DNAI1: variants seen among roughly 807,000 people sequenced by gnomAD.
DNAI1 encodes dynein, axonemal, intermediate polypeptide 1.
A neutral mutation model predicts 92.0 loss-of-function variants in DNAI1; 67 were observed. That is an observed-to-expected ratio of 0.73 (90% CI 0.60 to 0.89). The LOEUF is 0.89. Ranked by LOEUF, DNAI1 falls within the 40% of genes least tolerant of loss-of-function variation. The pLI is 0.00. For missense variants in DNAI1, 839 were observed against 866.6 expected, an observed-to-expected ratio of 0.97 and a Z score of 0.40; for synonymous variants, 323 against 319.6, an observed-to-expected ratio of 1.01 and a Z score of -0.11.
At chr9:34,476,589 C>T (rs1036533681) in intron 1 of DNAI1, among the ~76,000 whole-genome samples, 2 of 152,132 alleles carry the variant, frequency 1.3e-5, no homozygotes, top group Admixed American at 1.3e-4. Context: ...GTTAAAGGCC[C>T]AGAGAGGTGG....
At chr9:34,474,866 A>G (rs1216400983) in intron 1 of DNAI1, among the ~76,000 whole-genome samples, 2 of 151,996 alleles carry the variant, frequency 1.3e-5, no homozygotes, top group African/African-American at 4.8e-5. Flanking sequence ...CGTGTCCGGC[A>G]AGGTGTGAAT....
At chr9:34,476,921 G>A (rs182005115) in intron 1 of DNAI1, among the ~76,000 whole-genome samples, 1 of 152,334 alleles carries the variant, frequency 6.6e-6, no homozygotes, top group African/African-American at 2.4e-5. Flanking sequence ...GAATGTGGCT[G>A]TAGGAGGGGA....
chr9:34,514,624 C>T lies in DNAI1; in HGVS notation c.1719-16C>T. 1 of 1,614,224 alleles carries T rather than the reference C, an allele frequency of 6.2e-7. No individual in the cohort carries two copies. The highest frequency in any genetic ancestry group is 8.5e-7 in the Non-Finnish European group (1 of 1,180,030). ...AGCCCTCTGTGCCATGGGCTTTCCA[C>T]CCTCCACCTCTGCAGGACCCCGATG... On this transcript the variant is annotated splice_polypyrimidine_tract_variant and intron_variant, in intron 17 of 19. Transcript: ENST00000242317.
At chr9:34,459,096 T>C (rs760391161) in intron 1 of DNAI1, 43 bp downstream of exon 1, 4 of 1,569,620 alleles carry the variant, frequency 2.5e-6, no homozygotes, top group Non-Finnish European at 3.5e-6. Context: ...CTGACCTTCG[T>C]CGTCGCCAGT....
intron 9 of DNAI1, among the ~76,000 whole-genome samples, chr9:34,493,736 T>G (rs2132065895): frequency 6.6e-6 from 1 of 152,320 alleles, no homozygotes; most frequent in Admixed American, 6.5e-5. Flanking sequence ...CTTTCAGTAC[T>G]TGGGTTTACT....
chr9:34,513,330 A>G, intron 16 of DNAI1, 139 bp downstream of exon 16: 1 of 731,630 alleles, frequency 1.4e-6, no homozygotes, highest in South Asian at 1.5e-5. Flanking sequence ...AAGAGAATGT[A>G]TTTCTTGACC....
chr9:34,486,100 C>CT (rs909822671), intron 4 of DNAI1, among the ~76,000 whole-genome samples: 31 of 152,166 alleles, frequency 2.0e-4, no homozygotes, highest in African/African-American at 7.5e-4. Context: ...GGACAATACT[C>CT]TTTTCACTCA....
At chr9:34,499,466 G>T (rs960326710) in intron 10 of DNAI1, among the ~76,000 whole-genome samples, 6 of 152,166 alleles carry the variant, frequency 3.9e-5, no homozygotes, top group Non-Finnish European at 7.3e-5. Flanking sequence ...TTTTGTGGCT[G>T]GCCCTGTGCT....
chr9:34,506,444 G>A (rs893273177), intron 12 of DNAI1, among the ~76,000 whole-genome samples, 183 bp from the exon 13 acceptor site: 1 of 152,196 alleles, frequency 6.6e-6, no homozygotes, highest in Non-Finnish European at 1.5e-5. Flanking sequence ...TCTGAGAAGG[G>A]AAAGGTCACA....
At chr9:34,498,167 AG>A in intron 10 of DNAI1, among the ~76,000 whole-genome samples, 1 of 152,304 alleles carries the variant, frequency 6.6e-6, no homozygotes, top group Admixed American at 6.5e-5. Flanking sequence ...TAAGGAATGG[AG>A]AAAAGGGAAC....
intron 1 of DNAI1, among the ~76,000 whole-genome samples, chr9:34,462,206 TTCTC>T (rs1323624949): frequency 6.6e-6 from 1 of 152,198 alleles, no homozygotes; most frequent in Non-Finnish European, 1.5e-5. Flanking sequence ...ACCTCACCAT[TTCTC>T]TATGAAAATT....
chr9:34,484,400 G>A (rs1824432180), intron 2 of DNAI1, among the ~76,000 whole-genome samples: 1 of 152,110 alleles, frequency 6.6e-6, no homozygotes, highest in Non-Finnish European at 1.5e-5. Flanking sequence ...TTGATTTTTA[G>A]AAAGGTTATA....
At position 34,485,388 on chromosome 9, in the gene DNAI1, G is replaced by A. The variant is rs557041111; in HGVS notation, c.181-49G>A. On this transcript the variant is annotated intron_variant, in intron 3 of 19. Coordinates refer to ENST00000242317, the MANE Select transcript of DNAI1 (RefSeq NM_012144.4). The stretch of plus-strand genomic sequence containing the variant: ...GAGGGATCCTTCTAAGCCTCAGATA[G>A]GGTTGGGGGGTCTTCATGTATGACC... The A allele has an allele frequency of 3.4e-5, 54 of 1,605,154 alleles. No homozygotes were observed. The South Asian group carries it at 5.7e-4, about 17-fold the overall frequency.
chr9:34,458,935 G>T lies in DNAI1; in HGVS notation c.-71G>T. On this transcript the variant is annotated 5_prime_UTR_variant, in exon 1 of 20. Transcript: ENST00000242317. This position sits in a 1 kb window ranked among gnomAD's most constrained non-coding sequence, Gnocchi z 6.6. ...GGAAGAGAGTCCAGATTTCTTGTGTGTGGTCAAGGAGACGGACAAACTTTT... is the reference window on the plus strand; with the variant it reads ...GGAAGAGAGTCCAGATTTCTTGTGTTTGGTCAAGGAGACGGACAAACTTTT... The T allele has an allele frequency of 7.2e-7, 1 of 1,387,204 alleles. No homozygotes were observed. Among genetic ancestry groups the T allele is most frequent in the Admixed American group, 1.7e-5 (1 of 59,182 alleles). 85.9% of individuals were successfully genotyped at this position (1,387,204 alleles called of 1,614,324 possible). A position where few individuals can be genotyped will look rare whatever the true frequency, so the allele number is the denominator to read the frequency against.
chr9:34,509,533 C>T (rs991727322), intron 13 of DNAI1, among the ~76,000 whole-genome samples: 14 of 152,092 alleles, frequency 9.2e-5, no homozygotes, highest in African/African-American at 3.4e-4. Context: ...CCCCTGTTTT[C>T]ACTCCCTCTA....
rs772207177 is a variant in DNAI1, at chr9:34,500,738, C to G, written c.918C>G (p.Asp306Glu). 6.2e-7 allele frequency: 1 copy of G among 1,613,508 alleles called. No individual in the cohort carries two copies. Among genetic ancestry groups the G allele is most frequent in the Non-Finnish European group, 8.5e-7 (1 of 1,179,690 alleles). The change falls in exon 11 of 20, where the codon GAC (aspartate) becomes GAG (glutamate). Residue 306 changes from aspartate (D) to glutamate (E), a missense_variant. Transcript: ENST00000242317. ...DDIAQDFKYY[D>E]DAADEYRDQV... ...GTGTTTAAGATTTTAAGTACTATGA[C>G]GATGCTGCTGATGAATACCGGGACC...
chr9:34,520,900 A>G lies in DNAI1; in HGVS notation c.*144A>G. On this transcript the variant is annotated 3_prime_UTR_variant, in exon 20 of 20. Coordinates refer to ENST00000242317, the MANE Select transcript of DNAI1 (RefSeq NM_012144.4). The stretch of plus-strand genomic sequence containing the variant: ...TCTTCCCTTCTTGTTCTGTTCCTTA[A>G]GGTCCCAGCACCTTACCCCAGGACT... 1.2e-6 allele frequency: 1 copy of G among 816,722 alleles called. No homozygotes were observed. Among genetic ancestry groups the G allele is most frequent in the Non-Finnish European group, 2.1e-6 (1 of 486,838 alleles). 50.6% of individuals were successfully genotyped at this position (816,722 alleles called of 1,614,324 possible).
At chr9:34,467,440 T>TAC (rs3039302) in intron 1 of DNAI1, among the ~76,000 whole-genome samples, 18,946 of 137,202 alleles carry the variant, frequency 0.14, 1,427 homozygotes, top group East Asian at 0.27. Context: ...TCTACACAAA[T>TAC]ACACACACAC....
chr9:34,507,546 G>C (rs1419667459), intron 13 of DNAI1, among the ~76,000 whole-genome samples: 2 of 152,202 alleles, frequency 1.3e-5, no homozygotes, highest in African/African-American at 4.8e-5. Flanking sequence ...AAGAGGAGGG[G>C]TTGGTCTTGC....
Sources: gnomAD v4.1 joint callset for allele counts (sites outside exome capture counted in the v4.1 genomes callset) on GRCh38, gnomAD v4.1.1 for gene constraint, Gnocchi (gnomAD v3.1) non-coding constraint, MANE v1.5 for transcripts, NCBI Gene and HGNC (gene_info 2026-07-23, HGNC 2026-07-21) for gene names.